CREBBP: variants seen among roughly 807,000 people sequenced by gnomAD.
The protein encoded by CREBBP is CREB-binding protein.
A neutral mutation model predicts 265.0 loss-of-function variants in CREBBP; 19 were observed. That is an observed-to-expected ratio of 0.07 (90% CI 0.05 to 0.11). The LOEUF is 0.11. Among genes scored for constraint, CREBBP ranks in the 10% least tolerant of loss-of-function variants. The pLI is 1.00. For missense variants in CREBBP, 2,525 were observed against 3,219.0 expected (o/e 0.78, Z 5.22); for synonymous variants, 1,457 against 1,223.7 (o/e 1.19, Z -3.98).
chr16:3,791,673 T>C (rs2053510617), intron 5 of CREBBP, among the ~76,000 whole-genome samples: 2 of 152,212 alleles, frequency 1.3e-5, no homozygotes, highest in South Asian at 4.1e-4. Context: ...GGAAATACCA[T>C]GTCTTCGTGT....
chr16:3,851,579 G>A (rs2054837433), intron 1 of CREBBP, among the ~76,000 whole-genome samples: 1 of 152,102 alleles, frequency 6.6e-6, no homozygotes, highest in South Asian at 2.1e-4. Flanking sequence ...GTGTGGCCGG[G>A]CATGGTGGCT....
chr16:3,781,931 GT>G (rs2053282118), intron 6 of CREBBP, among the ~76,000 whole-genome samples: 1 of 152,182 alleles, frequency 6.6e-6, no homozygotes, highest in Non-Finnish European at 1.5e-5. Flanking sequence ...AAAGCAACAA[GT>G]AAGATGACTT....
chr16:3,842,355 T>C (rs1464915609), intron 2 of CREBBP, among the ~76,000 whole-genome samples: 2 of 152,170 alleles, frequency 1.3e-5, no homozygotes, highest in Non-Finnish European at 1.5e-5. Context: ...TCAACACCCG[T>C]AGCCAGGAAA....
intron 16 of CREBBP, among the ~76,000 whole-genome samples, chr16:3,762,292 TTTGG>T (rs1433370278): frequency 6.6e-6 from 1 of 152,108 alleles, no homozygotes; most frequent in Non-Finnish European, 1.5e-5. Flanking sequence ...CAAGTGTCAC[TTTGG>T]TTGATCATTT....
At chr16:3,861,859 C>A (rs961711068) in intron 1 of CREBBP, among the ~76,000 whole-genome samples, 4 of 151,882 alleles carry the variant, frequency 2.6e-5, no homozygotes, top group African/African-American at 7.3e-5. Flanking sequence ...CACACCAATC[C>A]CTAATTAGAA....
At position 3,736,646 on chromosome 16, in the gene CREBBP, G is replaced by A. The variant is rs1596805570; in HGVS notation, c.4560+4C>T. The A allele has an allele frequency of 1.2e-6, 2 of 1,614,198 alleles. No individual in the cohort carries two copies. The highest frequency in any genetic ancestry group is 1.1e-5 in the South Asian group (1 of 91,086). ...AGCCACCACCTTCCTTCAGCGCCGGGTACCTTGTAGTCATGGATGATCCGC... is the reference window on the plus strand; with the variant it reads ...AGCCACCACCTTCCTTCAGCGCCGGATACCTTGTAGTCATGGATGATCCGC... On this transcript the variant is annotated splice_donor_region_variant and intron_variant, in intron 27 of 30. Transcript: ENST00000262367.
Position 3,736,072 on chromosome 16 carries a change from T to C in CREBBP, c.4692A>G (p.Lys1564=). The change falls in exon 28 of 31, where the codon AAA becomes AAG. Residue 1564 remains lysine (K), a synonymous_variant. Coordinates refer to ENST00000262367, the MANE Select transcript of CREBBP (RefSeq NM_004380.3). ...KELEQEEEER[K]KEESTAASET... is the part of the protein sequence containing the mutation. ...CACTGGCTGCAGTGCTCTCTTCCTT[T>C]TTCCTCTCCTCTTCTTCTTGTTCTA... is the stretch of plus-strand genomic sequence containing the variant. 1.2e-6 allele frequency: 2 copies of C among 1,614,216 alleles called. No homozygotes were observed. Among genetic ancestry groups the C allele is most frequent in the South Asian group, 1.1e-5 (1 of 91,086 alleles).
intron 3 of CREBBP, among the ~76,000 whole-genome samples, chr16:3,803,374 G>A (rs1409128877): frequency 7.3e-5 from 11 of 149,784 alleles, no homozygotes; most frequent in East Asian, 4.0e-4. Context: ...GTGCGGTGGC[G>A]GGCGCCTGTA....
chr16:3,753,061 G>A (rs1163642584), intron 19 of CREBBP, among the ~76,000 whole-genome samples: 2 of 152,214 alleles, frequency 1.3e-5, no homozygotes, highest in Non-Finnish European at 2.9e-5. Flanking sequence ...CACGAATGCG[G>A]TTTAGTGCTC....
At chr16:3,877,678 T>C (rs987361924) in intron 1 of CREBBP, among the ~76,000 whole-genome samples, 48 of 152,262 alleles carry the variant, frequency 3.2e-4, no homozygotes, top group Non-Finnish European at 4.7e-4. Context: ...GTGCTGGGAT[T>C]ACAGGCATGA....
chr16:3,817,910 G>A (rs183710112), intron 2 of CREBBP, among the ~76,000 whole-genome samples: 1 of 152,256 alleles, frequency 6.6e-6, no homozygotes, highest in East Asian at 1.9e-4. Context: ...AAGAATACCT[G>A]TCCTTGGAGG....
chr16:3,799,141 G>C (rs1254986727), intron 3 of CREBBP, among the ~76,000 whole-genome samples: 1 of 152,198 alleles, frequency 6.6e-6, no homozygotes, highest in Non-Finnish European at 1.5e-5. Context: ...GGGGTAGAAA[G>C]ACTAGCGGTT....
intron 19 of CREBBP, 71 bp downstream of exon 19, chr16:3,757,217 T>G (rs186488743): frequency 5.5e-6 from 7 of 1,278,402 alleles, no homozygotes; most frequent in East Asian, 2.4e-5. Context: ...AAAGAAATAA[T>G]GTACACAGAC....
In CREBBP at chr16:3,879,946, C is replaced by G. The variant is rs370708486; in HGVS notation, c.-30G>C. ...ACCTGCTCGCGAAAACAGCCCCGGGCACGGGCGGCCGGGCCGGCGAGGGCC... is the reference window on the plus strand; with the variant it reads ...ACCTGCTCGCGAAAACAGCCCCGGGGACGGGCGGCCGGGCCGGCGAGGGCC... On this transcript the variant is annotated 5_prime_UTR_variant, in exon 1 of 31. Coordinates refer to ENST00000262367, the MANE Select transcript of CREBBP (RefSeq NM_004380.3). 2 of 1,599,608 alleles carry G rather than the reference C, an allele frequency of 1.3e-6. No homozygotes were observed. The highest frequency in any genetic ancestry group is 1.7e-5 in the Admixed American group (1 of 58,790).
In CREBBP at chr16:3,731,433, T is replaced by C. The variant is rs1293725394; in HGVS notation, c.4931A>G (p.Asn1644Ser). 6.2e-7 allele frequency: 1 copy of C among 1,601,364 alleles called. No individual in the cohort carries two copies. The highest frequency in any genetic ancestry group is 1.1e-5 in the South Asian group (1 of 89,022). Residue 1644 changes from asparagine to serine, a missense_variant, in exon 30 of 31, where the codon AAC becomes AGC. By Grantham distance (46) the Asn-to-Ser change is conservative. Around this residue, in one of 19 missense-constraint regions of CREBBP, gnomAD observed 37 missense variants for 34.1 expected, o/e 1.09. Transcript: ENST00000262367. The surrounding 1 kb of genome is among the most constrained non-coding windows in gnomAD (Gnocchi z 7.7). ...VIHLHAGPVI[N>S]TLPPIVDPDP... ...GGGGTCGACGATGGGGGGCAGGGTGTTGATGACAGGCCCAGCGTGCAGGTG... is the reference window on the plus strand; with the variant it reads ...GGGGTCGACGATGGGGGGCAGGGTGCTGATGACAGGCCCAGCGTGCAGGTG...
At chr16:3,785,912 A>T (rs2053376211) in intron 5 of CREBBP, among the ~76,000 whole-genome samples, 1 of 152,054 alleles carries the variant, frequency 6.6e-6, no homozygotes, top group Admixed American at 6.5e-5. Flanking sequence ...TACCTCTTTA[A>T]AGCTCCCCAA....
At chr16:3,840,876 A>C (rs776134721) in intron 2 of CREBBP, 1 of 156,120 alleles carries the variant, frequency 6.4e-6, no homozygotes, top group African/African-American at 2.4e-5. Context: ...ACTAACAAAC[A>C]CTGGGCTTAA....
At chr16:3,870,739 C>T (rs2239317) in intron 1 of CREBBP, among the ~76,000 whole-genome samples, 2 of 152,270 alleles carry the variant, frequency 1.3e-5, no homozygotes, top group Non-Finnish European at 2.9e-5. Flanking sequence ...TTAGTCCTCA[C>T]TGGCCCAAGA....
At chr16:3,732,544 A>T (rs2051944862) in intron 28 of CREBBP, among the ~76,000 whole-genome samples, 3 of 152,076 alleles carry the variant, frequency 2.0e-5, no homozygotes. Flanking sequence ...ATTACCACTC[A>T]CTTACACTTT....
Sources: allele counts gnomAD v4.1 joint callset (sites outside exome capture counted in the v4.1 genomes callset), GRCh38; gene constraint gnomAD v4.1.1; regional missense constraint gnomAD v4.1.1; non-coding constraint Gnocchi (gnomAD v3.1); transcripts MANE v1.5; gene names NCBI Gene and HGNC (gene_info 2026-07-23, HGNC 2026-07-21).